Variants in LSM5 observed in about 807,000 individuals in gnomAD.
LSM5 encodes the protein U6 snRNA-associated Sm-like protein LSm5.
Under a neutral mutation model 13.8 loss-of-function variants are expected in LSM5, and 8 were observed. The ratio of observed to expected loss-of-function variants is 0.58; its 90% CI spans 0.34 to 1.04. LSM5 has a LOEUF of 1.04. Among genes scored for constraint, LSM5 ranks in the 50% least tolerant of loss-of-function variants. The pLI is 0.03. For synonymous variants in LSM5, 35 were observed against 37.0 expected, an observed-to-expected ratio of 0.95 and a Z score of 0.20; for missense variants, 80 against 108.1, an observed-to-expected ratio of 0.74 and a Z score of 1.15.
Position 32,486,689 on chromosome 7 carries a change from C to T in LSM5, c.*572G>A, listed in dbSNP as rs1786455589. ...ATAAGCAAATAGATAAAATTTCTAT[C>T]TTTAGGGTAATTCCAATAGATAATT... On this transcript the variant is annotated 3_prime_UTR_variant, in exon 5 of 5. Transcript: ENST00000450169. 1 of 152,910 alleles carries T rather than the reference C, an allele frequency of 6.5e-6. No homozygotes were observed. The highest frequency in any genetic ancestry group is 2.4e-5 in the African/African-American group (1 of 41,448). The allele number at this position is 152,910 out of a possible 1,614,324, so 9.5% of individuals were successfully genotyped here. A position where few individuals can be genotyped will look rare whatever the true frequency, so the allele number is the denominator to read the frequency against.
chr7:32,493,972 C>T (rs780399165), upstream of LSM5, among the ~76,000 whole-genome samples: 2 of 151,972 alleles, frequency 1.3e-5, no homozygotes, highest in South Asian at 2.1e-4. Context: ...CTGTCTCAGC[C>T]GTCCGAGTAG....
At chr7:32,488,037 A>T in intron 3 of LSM5, 1 of 299,958 alleles carries the variant, frequency 3.3e-6, no homozygotes, top group East Asian at 8.2e-5. Context: ...ATGAAATGAA[A>T]TGTTTTTTGG....
Position 32,490,350 on chromosome 7 carries a change from T to C in LSM5, c.16A>G (p.Thr6Ala), listed in dbSNP as rs761552063. The C allele has an allele frequency of 1.5e-5, 25 of 1,614,110 alleles. No individual in the cohort carries two copies. Among genetic ancestry groups the C allele is most frequent in the Non-Finnish European group, 1.8e-5 (21 of 1,179,924 alleles). The change falls in exon 1 of 5, where the codon ACT becomes GCT. Residue 6 changes from threonine to alanine, a missense_variant. By Grantham distance (58) the Thr-to-Ala change is moderately conservative. Coordinates refer to ENST00000450169, the MANE Select transcript of LSM5 (RefSeq NM_012322.3). ...GGCAGCAGCTGCGACGGGTTGGTAG[T>C]AGCGTTAGCCGCCATGGCTACGCCG... MAANA[T>A]TNPSQLLPLE...
chr7:32,487,849 T>G, intron 3 of LSM5, 92 bp from the exon 4 acceptor site: 1 of 699,696 alleles, frequency 1.4e-6, no homozygotes, highest in South Asian at 1.5e-5. Flanking sequence ...AGGTTATCCT[T>G]GTATACAAAT....
chr7:32,487,328 C>A (rs761548635), intron 4 of LSM5, 35 bp from the exon 5 acceptor site: 40 of 1,593,832 alleles, frequency 2.5e-5, no homozygotes, highest in Admixed American at 2.2e-4. Context: ...ATTAATAACA[C>A]TACCACCATG....
chr7:32,487,428 T>C (rs1786474283), intron 4 of LSM5, 135 bp from the exon 5 acceptor site: 1 of 725,088 alleles, frequency 1.4e-6, no homozygotes, highest in Non-Finnish European at 2.4e-6. Flanking sequence ...TCAGTATCTA[T>C]TTACAATTCC....
upstream of LSM5, among the ~76,000 whole-genome samples, chr7:32,494,361 C>G (rs974559829): frequency 1.3e-5 from 2 of 151,816 alleles, no homozygotes; most frequent in Admixed American, 6.6e-5. Context: ...TTTTGTAATA[C>G]AGAAAAGAAA....
upstream of LSM5, among the ~76,000 whole-genome samples, chr7:32,493,977 G>A (rs60796291): frequency 0.17 from 25,386 of 151,694 alleles, 2,675 homozygotes; most frequent in Admixed American, 0.31. Flanking sequence ...TCAGCCGTCC[G>A]AGTAGCTGGG....
chr7:32,487,083 T>C lies in LSM5; in HGVS notation c.*178A>G, dbSNP rs1786465775. On this transcript the variant is annotated 3_prime_UTR_variant, in exon 5 of 5. Transcript: ENST00000450169. ...CATCTGCAAAGAAGAAGCTCTTTTCTTCTTTTTCCAGGATAATCATGATTA... is the reference window on the plus strand; with the variant it reads ...CATCTGCAAAGAAGAAGCTCTTTTCCTCTTTTTCCAGGATAATCATGATTA... The C allele has an allele frequency of 4.7e-6, 3 of 637,354 alleles. No individual in the cohort carries two copies. 39.5% of individuals were successfully genotyped at this position (637,354 alleles called of 1,614,324 possible).
Position 32,486,476 on chromosome 7 carries a change from G to A in LSM5, c.*785C>T, listed in dbSNP as rs576338731. 2 of 152,220 alleles carry A rather than the reference G, an allele frequency of 1.3e-5. No homozygotes were observed. The highest frequency in any genetic ancestry group is 4.1e-4 in the South Asian group (2 of 4,824). The allele number at this position is 152,220 out of a possible 1,614,324, so 9.4% of individuals were successfully genotyped here. A position where few individuals can be genotyped will look rare whatever the true frequency, so the allele number is the denominator to read the frequency against. ...TACGATGTGCATATATTACCTGTTT[G>A]TTTTTAATAGGAGTTCTTTGACTTA... On this transcript the variant is annotated 3_prime_UTR_variant, in exon 5 of 5. Transcript: ENST00000450169.
At chr7:32,490,497 C>G (rs1786559758), upstream of LSM5, 3 of 692,486 alleles carry the variant, frequency 4.3e-6, no homozygotes, top group South Asian at 1.7e-5. Flanking sequence ...CTGCGTGGGT[C>G]GCGTTCACTG....
intron 1 of LSM5, 55 bp downstream of exon 1, chr7:32,490,256 GCCCCTCGGC>G (rs762992758): frequency 9.3e-6 from 15 of 1,613,962 alleles, no homozygotes; most frequent in Non-Finnish European, 1.2e-5. Flanking sequence ...CCTCGGAACA[GCCCCTCGGC>G]CCCCAATCCT....
chr7:32,490,285 C>A (rs775906436), intron 1 of LSM5, 35 bp downstream of exon 1: 3 of 1,614,108 alleles, frequency 1.9e-6, no homozygotes, highest in Admixed American at 3.3e-5. Flanking sequence ...TGAATGTCAG[C>A]TCCCTGTTCC....
At chr7:32,491,158 G>A (rs1449845634), upstream of LSM5, among the ~76,000 whole-genome samples, 3 of 152,220 alleles carry the variant, frequency 2.0e-5, no homozygotes, top group Non-Finnish European at 2.9e-5. Flanking sequence ...CACTTTGGAA[G>A]GCCGAGGCGG....
intron 3 of LSM5, chr7:32,488,290 C>A (rs1786494348): frequency 8.4e-6 from 2 of 238,642 alleles, no homozygotes; most frequent in Non-Finnish European, 1.6e-5. Flanking sequence ...CTCCTTTGGC[C>A]TTCCAAAGTG....
At chr7:32,493,193 G>C (rs183109222), upstream of LSM5, among the ~76,000 whole-genome samples, 9 of 152,292 alleles carry the variant, frequency 5.9e-5, no homozygotes, top group African/African-American at 1.9e-4. Flanking sequence ...CAGGAGTACA[G>C]TGGTGTGCTC....
At chr7:32,487,864 C>T in intron 3 of LSM5, 107 bp from the exon 4 acceptor site, 1 of 648,588 alleles carries the variant, frequency 1.5e-6, no homozygotes, top group Non-Finnish European at 2.8e-6. Flanking sequence ...ACAAATTACA[C>T]TGAGGTTGAG....
chr7:32,488,061 T>TA, intron 3 of LSM5: 1 of 339,434 alleles, frequency 2.9e-6, no homozygotes, highest in Non-Finnish European at 5.5e-6. Flanking sequence ...TTTTTTTTTT[T>TA]AAGAGACAGG....
rs752558288 is a variant in LSM5 at position 32,490,143 on chromosome 7, G to C, written c.46+177C>G. ...TCAAAGTCCTTGCCTGGAGGAGCCC[G>C]ACCACGTTAAAGAGCAGGTGCGGCC... is the stretch of plus-strand genomic sequence containing the variant. On this transcript the variant is annotated intron_variant, in intron 1 of 4. Transcript: ENST00000450169. 1.2e-5 allele frequency: 18 copies of C among 1,541,358 alleles called. No homozygotes were observed. The highest frequency in any genetic ancestry group is 1.5e-5 in the Non-Finnish European group (17 of 1,141,570).
Sources: allele counts gnomAD v4.1 joint callset (sites outside exome capture counted in the v4.1 genomes callset), GRCh38; gene constraint gnomAD v4.1.1; transcripts MANE v1.5; gene names NCBI Gene and HGNC (gene_info 2026-07-23, HGNC 2026-07-21).